The following SLC44A1 variants were observed in gnomAD, a reference collection of about 807,000 sequenced individuals.
The protein encoded by SLC44A1 is solute carrier family 44 member 1.
In SLC44A1, 26 loss-of-function variants were observed where a neutral mutation model predicts 79.3. The ratio of observed to expected loss-of-function variants is 0.33; its 90% CI spans 0.24 to 0.46. The LOEUF is 0.46. Ranked by LOEUF, SLC44A1 falls within the 20% of genes least tolerant of loss-of-function variation. SLC44A1 has a pLI of 1.00. For missense variants in SLC44A1, 688 were observed against 798.1 expected (o/e 0.86, Z 1.66); for synonymous variants, 263 against 286.2 (o/e 0.92, Z 0.82).
chr9:105,424,962 A>AG (rs1829301575), intron 15 of SLC44A1, among the ~76,000 whole-genome samples: 1 of 146,532 alleles, frequency 6.8e-6, no homozygotes, highest in African/African-American at 2.8e-5. Flanking sequence ...AAAAAAAAAA[A>AG]GAAAAGAAAG....
At chr9:105,275,647 T>C (rs908867161) in intron 1 of SLC44A1, among the ~76,000 whole-genome samples, 2 of 152,182 alleles carry the variant, frequency 1.3e-5, no homozygotes, top group South Asian at 4.2e-4. Flanking sequence ...GGTCAGCTTA[T>C]GAAAAATGAA....
At position 105,394,861 on chromosome 9, in the gene SLC44A1, T is replaced by C; in HGVS notation, c.*5805T>C. ...GTTTTAGTGTTTTCCAGTCACCCAC[T>C]AGAGCAGCTTCAGATTCCTCTGCCA... is the stretch of plus-strand genomic sequence containing the variant. On this transcript the variant is annotated 3_prime_UTR_variant, in exon 16 of 16. Coordinates refer to ENST00000374720, the MANE Select transcript of SLC44A1 (RefSeq NM_080546.5). The C allele has an allele frequency of 2.0e-6, 2 of 985,472 alleles. No homozygotes were observed. Among genetic ancestry groups the C allele is most frequent in the Non-Finnish European group, 2.4e-6 (2 of 829,962 alleles). 61.0% of individuals were successfully genotyped at this position (985,472 alleles called of 1,614,324 possible). A position where few individuals can be genotyped will look rare whatever the true frequency, so the allele number is the denominator to read the frequency against.
chr9:105,437,441 A>C (rs1588884478), intron 15 of SLC44A1, among the ~76,000 whole-genome samples: 1 of 152,168 alleles, frequency 6.6e-6, no homozygotes, highest in Middle Eastern at 3.4e-3. Context: ...ATTGATATAG[A>C]TATATACAGA....
chr9:105,406,067 T>G (rs1218777137), intron 15 of SLC44A1, among the ~76,000 whole-genome samples: 2 of 152,174 alleles, frequency 1.3e-5, no homozygotes, highest in African/African-American at 4.8e-5. Flanking sequence ...TAAACAGTCT[T>G]GCTAAGGGTT....
intron 4 of SLC44A1, among the ~76,000 whole-genome samples, chr9:105,345,934 C>T (rs1827233796): frequency 6.7e-6 from 1 of 149,072 alleles, no homozygotes; most frequent in African/African-American, 2.5e-5. Flanking sequence ...AGAAGGAAAA[C>T]TTTGTCTTAC....
intron 3 of SLC44A1, among the ~76,000 whole-genome samples, chr9:105,315,268 T>C (rs1258022755): frequency 3.1e-5 from 4 of 127,324 alleles, no homozygotes; most frequent in African/African-American, 1.7e-4. Flanking sequence ...CGTTTTTTTG[T>C]TTGTTTTTTT....
intron 1 of SLC44A1, among the ~76,000 whole-genome samples, chr9:105,267,122 T>C (rs1829980037): frequency 6.6e-6 from 1 of 152,202 alleles, no homozygotes; most frequent in Admixed American, 6.5e-5. Flanking sequence ...TTTTTATTTT[T>C]ATGTCACATA....
intron 1 of SLC44A1, among the ~76,000 whole-genome samples, chr9:105,256,390 A>ACTT (rs1360032787): frequency 6.6e-6 from 1 of 152,108 alleles, no homozygotes; most frequent in Non-Finnish European, 1.5e-5. Flanking sequence ...ATGACAGAAA[A>ACTT]CTGAAAGAAA....
chr9:105,348,608 T>C (rs573066709), intron 5 of SLC44A1, among the ~76,000 whole-genome samples, 157 bp downstream of exon 5: 1 of 152,248 alleles, frequency 6.6e-6, no homozygotes, highest in African/African-American at 2.4e-5. Context: ...GAAATGACAT[T>C]ATATATTTAA....
At chr9:105,245,735 G>T (rs893629974) in intron 1 of SLC44A1, among the ~76,000 whole-genome samples, 4 of 152,194 alleles carry the variant, frequency 2.6e-5, no homozygotes, top group African/African-American at 9.7e-5. Context: ...TGAGGGCTGA[G>T]ATGCAGAGAT....
chr9:105,322,730 A>G (rs1588778067), intron 3 of SLC44A1, among the ~76,000 whole-genome samples: 3 of 152,222 alleles, frequency 2.0e-5, no homozygotes, highest in South Asian at 4.1e-4. Context: ...GAAGAAAGCT[A>G]CATTTAGATC....
chr9:105,301,114 CA>C (rs1830867267), intron 2 of SLC44A1, among the ~76,000 whole-genome samples: 1 of 152,164 alleles, frequency 6.6e-6, no homozygotes, highest in South Asian at 2.1e-4. Context: ...AGCCTTTCCC[CA>C]CTCCCTGAAT....
intron 12 of SLC44A1, among the ~76,000 whole-genome samples, chr9:105,372,422 G>A (rs1251543604): frequency 6.6e-6 from 1 of 151,812 alleles, no homozygotes; most frequent in African/African-American, 2.4e-5. Context: ...CGAGTAGCCG[G>A]GATTACAGGC....
intron 1 of SLC44A1, among the ~76,000 whole-genome samples, chr9:105,267,006 T>C (rs1829977896): frequency 6.6e-6 from 1 of 152,306 alleles, no homozygotes; most frequent in Non-Finnish European, 1.5e-5. Flanking sequence ...AGTGTCTCTG[T>C]ACTGGTGTTA....
Position 105,395,900 on chromosome 9 carries a change from T to TC in SLC44A1, c.*6844_*6845insC. ...CCATGTTGATAATCCGGTGGTGACT[T>TC]TTTTTTTTTTTTTGTAAATTGTATT... On this transcript the variant is annotated 3_prime_UTR_variant, in exon 16 of 16. Coordinates refer to ENST00000374720, the MANE Select transcript of SLC44A1 (RefSeq NM_080546.5). 1.5e-6 allele frequency: 1 copy of TC among 663,960 alleles called. No individual in the cohort carries two copies. The highest frequency in any genetic ancestry group is 1.8e-6 in the Non-Finnish European group (1 of 561,222). The allele number at this position is 663,960 out of a possible 1,614,324, so 41.1% of individuals were successfully genotyped here.
downstream of SLC44A1, among the ~76,000 whole-genome samples, chr9:105,402,021 C>G (rs1202172134): frequency 1.3e-5 from 2 of 152,058 alleles, no homozygotes; most frequent in Non-Finnish European, 2.9e-5. Flanking sequence ...GTGATTCTAC[C>G]CAGAATAGAA....
intron 12 of SLC44A1, among the ~76,000 whole-genome samples, chr9:105,366,671 T>C (rs971337734): frequency 5.3e-5 from 8 of 152,174 alleles, no homozygotes; most frequent in African/African-American, 1.9e-4. Context: ...ATGTACAGAT[T>C]TGTTACATAT....
In SLC44A1 at chr9:105,361,329, C is replaced by T. The variant is rs138288840; in HGVS notation, c.899C>T (p.Thr300Ile). The T allele has an allele frequency of 1.2e-6, 2 of 1,601,698 alleles. No homozygotes were observed. The highest frequency in any genetic ancestry group is 1.3e-5 in the African/African-American group (1 of 74,382). ...TATGCCATTTCAGCTACAGTGTTCA[C>T]AGTGAGTTTAGGCTTTGGCGTGTCT... is the stretch of plus-strand genomic sequence containing the variant. Reference protein sequence around the residue: ...LIYAISATVFTVILFLIMLVM... With the variant: ...LIYAISATVFIVILFLIMLVM... The change falls in exon 8 of 16, where the codon ACA (threonine) becomes ATA (isoleucine). Residue 300 changes from threonine (T) to isoleucine (I), a missense_variant and splice_region_variant. Transcript: ENST00000374720.
At chr9:105,265,071 C>T (rs986122999) in intron 1 of SLC44A1, among the ~76,000 whole-genome samples, 3 of 152,202 alleles carry the variant, frequency 2.0e-5, no homozygotes, top group African/African-American at 4.8e-5. Context: ...GCTGGGATTA[C>T]AGGTGTGAGC....
Sources: gnomAD v4.1 joint callset for allele counts (sites outside exome capture counted in the v4.1 genomes callset) on GRCh38, gnomAD v4.1.1 for gene constraint, MANE v1.5 for transcripts, NCBI Gene and HGNC (gene_info 2026-07-23, HGNC 2026-07-21) for gene names.